Variants in HOOK3 observed in about 807,000 individuals in gnomAD.
HOOK3 encodes the protein hook microtubule tethering protein 3.
Under a neutral mutation model 116.3 loss-of-function variants are expected in HOOK3, and 24 were observed. The ratio of observed to expected loss-of-function variants is 0.21; its 90% CI spans 0.15 to 0.29. HOOK3 has a LOEUF of 0.29. Ranked by LOEUF, HOOK3 falls within the 10% of genes least tolerant of loss-of-function variation. The probability of loss-of-function intolerance (pLI) is 1.00; values close to 1 mark genes in which losing one functional copy is unlikely to be tolerated. For missense variants in HOOK3, 632 were observed against 830.2 expected, an observed-to-expected ratio of 0.76 and a Z score of 2.93; for synonymous variants, 275 against 283.0, an observed-to-expected ratio of 0.97 and a Z score of 0.28.
intron 15 of HOOK3, among the ~76,000 whole-genome samples, chr8:42,991,073 G>A (rs1228412923): frequency 6.6e-6 from 1 of 152,068 alleles, no homozygotes; most frequent in Non-Finnish European, 1.5e-5. Flanking sequence ...TATGTTCTTG[G>A]CATCTTTGTC....
chr8:42,982,802 C>A (rs1021921469), intron 14 of HOOK3, 106 bp downstream of exon 14: 1 of 741,458 alleles, frequency 1.3e-6, no homozygotes, highest in Non-Finnish European at 2.3e-6. Context: ...CTCACCGACA[C>A]TTTCAACATG....
chr8:42,978,233 G>T (rs1018301437), intron 13 of HOOK3, among the ~76,000 whole-genome samples: 3 of 152,094 alleles, frequency 2.0e-5, no homozygotes, highest in Non-Finnish European at 4.4e-5. Context: ...TTCTTAAGAA[G>T]ATATCAGATA....
intron 2 of HOOK3, 55 bp from the exon 3 acceptor site, chr8:42,925,502 T>A: frequency 8.4e-7 from 1 of 1,187,690 alleles, no homozygotes; most frequent in Non-Finnish European, 1.2e-6. Flanking sequence ...CAATTTTCTT[T>A]GTTTAGCTTG....
Position 42,943,395 on chromosome 8 carries a change from G to A in HOOK3, c.350G>A (p.Arg117Lys). The A allele has an allele frequency of 6.4e-7, 1 of 1,571,344 alleles. No homozygotes were observed. The highest frequency in any genetic ancestry group is 8.6e-7 in the Non-Finnish European group (1 of 1,157,726). ...GEHSDAAELG[R>K]MLQLILGCAV... The stretch of plus-strand genomic sequence containing the variant: ...CATTCTGATGCAGCAGAGCTTGGAA[G>A]GATGCTTCAGCTCATCTTAGGCTGT... The change falls in exon 5 of 22, where the codon AGG (arginine) becomes AAG (lysine). Residue 117 changes from arginine to lysine, a missense_variant. Arg to Lys is a conservative substitution (Grantham distance 26). Around this residue, in one of 3 missense-constraint regions of HOOK3, gnomAD observed 141 missense variants for 150.8 expected, o/e 0.93. Coordinates refer to ENST00000307602, the MANE Select transcript of HOOK3 (RefSeq NM_032410.4).
At chr8:42,923,479 G>A (rs1807703567) in intron 2 of HOOK3, among the ~76,000 whole-genome samples, 2 of 152,084 alleles carry the variant, frequency 1.3e-5, no homozygotes, top group South Asian at 4.1e-4. Context: ...ATATTATTTA[G>A]CCACAAAAAG....
At position 43,018,461 on chromosome 8, in the gene HOOK3, C is replaced by G; in HGVS notation, c.2120C>G (p.Ser707Ter). The G allele has an allele frequency of 6.2e-7, 1 of 1,613,636 alleles. No individual in the cohort carries two copies. The highest frequency in any genetic ancestry group is 1.1e-5 in the South Asian group (1 of 91,000). ...AGGCAAGCGACCAGCAGCAGAAGAT[C>G]ATACCCAGGCCACGTGCAGCCGGCC... The part of the protein sequence containing the change: ...RQRQATSSRR[S>*]YPGHVQPATA... The change falls in exon 22 of 22, where the codon TCA (serine) becomes TGA (stop). Residue 707 changes from serine to a stop codon, truncating the protein, a stop_gained. Coordinates refer to ENST00000307602, the MANE Select transcript of HOOK3 (RefSeq NM_032410.4). LOFTEE classifies it high-confidence loss of function.
intron 17 of HOOK3, among the ~76,000 whole-genome samples, chr8:43,002,705 T>A (rs1482269165): frequency 6.6e-6 from 1 of 152,178 alleles, no homozygotes; most frequent in African/African-American, 2.4e-5. Context: ...AGACCCTGTC[T>A]TTAAGAGACT....
intron 13 of HOOK3, among the ~76,000 whole-genome samples, chr8:42,976,080 A>T (rs116856910): frequency 0.016 from 2,478 of 151,944 alleles, 31 homozygotes; most frequent in Non-Finnish European, 0.022. Context: ...ATGTATATAT[A>T]TTTTTTAATC....
At chr8:42,950,484 A>G (rs1432094927) in intron 6 of HOOK3, 29 bp downstream of exon 6, 4 of 1,499,390 alleles carry the variant, frequency 2.7e-6, no homozygotes, top group East Asian at 4.5e-5. Context: ...CTTATAGTTT[A>G]TGAAAAATTA....
intron 19 of HOOK3, among the ~76,000 whole-genome samples, chr8:43,011,723 T>C (rs1563314279): frequency 6.6e-6 from 1 of 151,922 alleles, no homozygotes. Context: ...AAAAAAGTTT[T>C]AAAAAATTAG....
intron 17 of HOOK3, among the ~76,000 whole-genome samples, chr8:43,004,615 A>T (rs182511607): frequency 7.1e-6 from 1 of 141,730 alleles, no homozygotes; most frequent in South Asian, 2.5e-4. Flanking sequence ...TGGGAGGCAG[A>T]GGTTGCAGTG....
At chr8:42,898,316 A>G (rs1029758265) in intron 1 of HOOK3, among the ~76,000 whole-genome samples, 1 of 152,218 alleles carries the variant, frequency 6.6e-6, no homozygotes, top group African/African-American at 2.4e-5. Flanking sequence ...AGCCAGTTGC[A>G]TATCAGACCA....
rs1023270012 is a variant in HOOK3 at position 43,029,162 on chromosome 8, T to C, written c.*10664T>C. On this transcript the variant is annotated 3_prime_UTR_variant, in exon 22 of 22. Coordinates refer to ENST00000307602, the MANE Select transcript of HOOK3 (RefSeq NM_032410.4). ...CAGCAATCTTTTATTTATTTATTTA[T>C]TTATTTTTGAGACGGAGTCTTGCTG... 5.7e-6 allele frequency: 1 copy of C among 174,100 alleles called. No homozygotes were observed. Among genetic ancestry groups the C allele is most frequent in the Non-Finnish European group, 1.2e-5 (1 of 80,578 alleles). 10.8% of individuals were successfully genotyped at this position (174,100 alleles called of 1,614,324 possible). A position where few individuals can be genotyped will look rare whatever the true frequency, so the allele number is the denominator to read the frequency against.
At chr8:43,015,949 C>G (rs1177438666) in intron 21 of HOOK3, among the ~76,000 whole-genome samples, 1 of 150,610 alleles carries the variant, frequency 6.6e-6, no homozygotes, top group Admixed American at 6.7e-5. Flanking sequence ...AATTCCTGAC[C>G]TCGTGATTCA....
chr8:43,008,030 AT>A (rs1306236211), intron 18 of HOOK3, 101 bp downstream of exon 18: 95 of 497,516 alleles, frequency 1.9e-4, no homozygotes, highest in Non-Finnish European at 2.1e-4. Context: ...TTTTATTTTT[AT>A]TTTTTTTGAG....
chr8:42,991,413 T>C (rs1809158129), intron 15 of HOOK3, among the ~76,000 whole-genome samples: 2 of 149,460 alleles, frequency 1.3e-5, no homozygotes, highest in African/African-American at 4.9e-5. Context: ...TTTTTTTTTT[T>C]CCTTTTGGAG....
intron 6 of HOOK3, among the ~76,000 whole-genome samples, chr8:42,953,887 C>T (rs1351634169): frequency 2.0e-5 from 3 of 151,986 alleles, no homozygotes; most frequent in African/African-American, 2.4e-5. Flanking sequence ...AAGTAGTGAC[C>T]GAGATAGCAC....
rs541314702 is a variant in HOOK3, at chr8:42,954,017, G to T, written c.469-3077G>T. On this transcript the variant is annotated intron_variant, in intron 6 of 21. Transcript: ENST00000307602. ...TTAGAAATAACTACCCAGTAGTAGG[G>T]CAATGGATAAATAAATTATGGTATA... is the stretch of plus-strand genomic sequence containing the variant. Among the ~76,000 whole-genome samples, 16 of 152,156 alleles carry T rather than the reference G, an allele frequency of 1.1e-4. No individual in the cohort carries two copies. In the South Asian group the frequency reaches 1.5e-3, roughly 14 times the overall value.
chr8:42,990,577 G>A (rs898737382), intron 15 of HOOK3, among the ~76,000 whole-genome samples: 2 of 151,794 alleles, frequency 1.3e-5, no homozygotes, highest in Non-Finnish European at 2.9e-5. Context: ...CTGGGCTCAA[G>A]CAATCCACCC....
Sources: allele counts gnomAD v4.1 joint callset (sites outside exome capture counted in the v4.1 genomes callset), GRCh38; gene constraint gnomAD v4.1.1; regional missense constraint gnomAD v4.1.1; transcripts MANE v1.5; gene names NCBI Gene and HGNC (gene_info 2026-07-23, HGNC 2026-07-21).